Variants in ST3GAL3 observed in about 807,000 individuals in gnomAD.
ST3GAL3 encodes the protein ST3 beta-galactoside alpha-2,3-sialyltransferase 3, also known as CMP-N-acetylneuraminate-beta-1,4-galactoside alpha-2,3-sialyltransferase.
A neutral mutation model predicts 50.1 loss-of-function variants in ST3GAL3; 21 were observed. That is an observed-to-expected ratio of 0.42 (90% CI 0.30 to 0.60). The LOEUF (loss-of-function observed/expected upper bound fraction) is 0.60. Ranked by LOEUF, ST3GAL3 falls within the 20% of genes least tolerant of loss-of-function variation. ST3GAL3 has a pLI of 0.19. For missense variants in ST3GAL3, 353 were observed against 489.4 expected (o/e 0.72, Z 2.63); for synonymous variants, 183 against 190.0 (o/e 0.96, Z 0.30).
chr1:43,768,266 C>T (rs1282478736), intron 2 of ST3GAL3, among the ~76,000 whole-genome samples: 1 of 152,058 alleles, frequency 6.6e-6, no homozygotes, highest in East Asian at 1.9e-4. Flanking sequence ...AAGAGCCTGT[C>T]TCTACAAAAA....
At chr1:43,803,823 G>C (rs1050966460) in intron 3 of ST3GAL3, among the ~76,000 whole-genome samples, 6 of 152,240 alleles carry the variant, frequency 3.9e-5, no homozygotes, top group African/African-American at 1.4e-4. Context: ...TGCACGTGCA[G>C]GAGGGGAAGG....
chr1:43,725,712 T>A (rs938084254), intron 1 of ST3GAL3, among the ~76,000 whole-genome samples: 5 of 152,154 alleles, frequency 3.3e-5, no homozygotes, highest in Admixed American at 6.5e-5. Context: ...ACTGGCATGG[T>A]CTCAGTTCAC....
At chr1:43,811,296 C>T (rs1051051109) in intron 3 of ST3GAL3, among the ~76,000 whole-genome samples, 5 of 152,124 alleles carry the variant, frequency 3.3e-5, no homozygotes, top group Admixed American at 2.0e-4. Flanking sequence ...CTGACCTCTC[C>T]GTGATTGCTG....
chr1:43,926,167 T>C (rs2083881953), intron 11 of ST3GAL3, among the ~76,000 whole-genome samples: 4 of 152,146 alleles, frequency 2.6e-5, no homozygotes, highest in African/African-American at 9.7e-5. Context: ...CTGTGAGTTG[T>C]TAGCACAGCC....
chr1:43,927,146 A>G (rs987819303), intron 11 of ST3GAL3, among the ~76,000 whole-genome samples: 2 of 152,196 alleles, frequency 1.3e-5, no homozygotes, highest in African/African-American at 4.8e-5. Context: ...CCTGCCCAAC[A>G]TGGCGAAATC....
chr1:43,913,899 G>T (rs1192666645), intron 9 of ST3GAL3: 3 of 152,208 alleles, frequency 2.0e-5, no homozygotes, highest in Non-Finnish European at 4.4e-5. Context: ...GAGGTGGCCT[G>T]CTCCAAGGAG....
chr1:43,857,904 C>G (rs951267539), intron 5 of ST3GAL3, among the ~76,000 whole-genome samples: 1 of 152,134 alleles, frequency 6.6e-6, no homozygotes, highest in Non-Finnish European at 1.5e-5. Context: ...GCGTGAGCCA[C>G]CACGCCTGGC....
intron 6 of ST3GAL3, 29 bp downstream of exon 6, chr1:43,894,506 C>G (rs749115867): frequency 1.3e-6 from 2 of 1,588,910 alleles, no homozygotes; most frequent in Non-Finnish European, 8.6e-7. Flanking sequence ...CCTACATTAA[C>G]ATCTCATCCC....
At chr1:43,750,828 C>T (rs1007502116) in intron 2 of ST3GAL3, among the ~76,000 whole-genome samples, 1 of 151,814 alleles carries the variant, frequency 6.6e-6, no homozygotes, top group African/African-American at 2.4e-5. Context: ...CTGAGCTGTG[C>T]TCACGCCTCT....
intron 3 of ST3GAL3, among the ~76,000 whole-genome samples, chr1:43,804,346 C>G (rs1420471703): frequency 6.6e-6 from 1 of 152,182 alleles, no homozygotes; most frequent in Admixed American, 6.5e-5. Context: ...TGATTGCTTT[C>G]TTTTCTCATT....
chr1:43,719,013 C>T (rs1482683591), intron 1 of ST3GAL3: 1 of 152,204 alleles, frequency 6.6e-6, no homozygotes, highest in African/African-American at 2.4e-5. Flanking sequence ...AAGGGAGTAC[C>T]TGGCCAGTGA....
chr1:43,844,990 T>G (rs2066002412), intron 5 of ST3GAL3, among the ~76,000 whole-genome samples: 2 of 152,172 alleles, frequency 1.3e-5, no homozygotes, highest in African/African-American at 4.8e-5. Context: ...TTTGTTGTTG[T>G]TTTTGGTTTC....
At chr1:43,728,995 T>C (rs1211920889) in intron 1 of ST3GAL3, among the ~76,000 whole-genome samples, 1 of 151,892 alleles carries the variant, frequency 6.6e-6, no homozygotes, top group Non-Finnish European at 1.5e-5. Flanking sequence ...GCTCAAGTGC[T>C]CCTCCCACTG....
chr1:43,810,010 GAAA>G (rs1573349256), intron 3 of ST3GAL3, among the ~76,000 whole-genome samples: 2 of 134,840 alleles, frequency 1.5e-5, no homozygotes, highest in Non-Finnish European at 3.2e-5. Context: ...AAAAAAAAAA[GAAA>G]GAAAGAAAAA....
At chr1:43,894,775 A>G (rs1344862634) in intron 6 of ST3GAL3, among the ~76,000 whole-genome samples, 7 of 151,764 alleles carry the variant, frequency 4.6e-5, no homozygotes, top group Non-Finnish European at 1.0e-4. Context: ...GACCATAGGC[A>G]CGCACCACCA....
chr1:43,870,534 C>T (rs1243733625), intron 5 of ST3GAL3, among the ~76,000 whole-genome samples: 2 of 150,258 alleles, frequency 1.3e-5, no homozygotes, highest in Non-Finnish European at 3.0e-5. Context: ...TGTCAGGACA[C>T]ATGTTGTACA....
At chr1:43,921,013 T>C in intron 11 of ST3GAL3, 85 bp downstream of exon 11, 2 of 1,487,048 alleles carry the variant, frequency 1.3e-6, no homozygotes, top group South Asian at 1.2e-5. Context: ...AGCCAGTGGC[T>C]GGTCTGGCTG....
At chr1:43,869,766 G>A (rs60266548) in intron 5 of ST3GAL3, among the ~76,000 whole-genome samples, 7,748 of 152,182 alleles carry the variant, frequency 0.051, 650 homozygotes, top group African/African-American at 0.18. Context: ...TAAACTGTTC[G>A]TTTCCTTTCT....
At chr1:43,921,474 C>T (rs1219488504) in intron 11 of ST3GAL3, 7 of 404,220 alleles carry the variant, frequency 1.7e-5, no homozygotes, top group African/African-American at 2.1e-5. Context: ...CTGAACCCTT[C>T]TGAACTCCGC....
Sources: gnomAD v4.1 joint callset for allele counts (sites outside exome capture counted in the v4.1 genomes callset) on GRCh38, gnomAD v4.1.1 for gene constraint, MANE v1.5 for transcripts, NCBI Gene and HGNC (gene_info 2026-07-23, HGNC 2026-07-21) for gene names.